The following RYR2 variants were observed in gnomAD, a reference collection of about 807,000 sequenced individuals.
The protein encoded by RYR2 is ryanodine receptor 2, also known as cardiac muscle ryanodine receptor-calcium release channel.
In RYR2, 227 loss-of-function variants were observed where a neutral mutation model predicts 601.1. The observed-to-expected ratio is 0.38, with a 90% CI of 0.34 to 0.42. The LOEUF (loss-of-function observed/expected upper bound fraction) is 0.42. Among genes scored for constraint, RYR2 ranks in the 10% least tolerant of loss-of-function variants. RYR2 has a pLI of 1.00. For missense variants in RYR2, 4,646 were observed against 6,156.5 expected (o/e 0.75, Z 8.21); for synonymous variants, 2,223 against 2,175.1 (o/e 1.02, Z -0.61).
chr1:237,405,882 C>A (rs1340264193), intron 10 of RYR2, among the ~76,000 whole-genome samples: 2 of 95,462 alleles, frequency 2.1e-5, no homozygotes, highest in Non-Finnish European at 5.0e-5. Context: ...GACCACCATT[C>A]AGAAAAGTAG....
chr1:237,281,044 C>T (rs1354137695), intron 2 of RYR2, among the ~76,000 whole-genome samples: 1 of 152,120 alleles, frequency 6.6e-6, no homozygotes, highest in East Asian at 1.9e-4. Flanking sequence ...CTCAGCCTCC[C>T]AAAGTGCTGG....
At chr1:237,321,346 C>A (rs2149526210) in intron 2 of RYR2, among the ~76,000 whole-genome samples, 1 of 152,262 alleles carries the variant, frequency 6.6e-6, no homozygotes, top group East Asian at 1.9e-4. Context: ...TGTTGAATGT[C>A]TCAGTCTGAG....
In RYR2 at chr1:237,270,326, G is replaced by A. The variant is rs188779152; in HGVS notation, c.49-171G>A. On this transcript the variant is annotated intron_variant, in intron 1 of 104. Coordinates refer to ENST00000366574, the MANE Select transcript of RYR2 (RefSeq NM_001035.3). ...TTGCCTTTTTGCAAATAAAAAGTAC[G>A]TGAGGGATTGATTCCGTAGGGGTTT... 1.2e-5 allele frequency: 11 copies of A among 926,120 alleles called. No homozygotes were observed. In the East Asian group the frequency reaches 1.9e-4, roughly 16 times the overall value. 57.4% of individuals were successfully genotyped at this position (926,120 alleles called of 1,614,324 possible). A position where few individuals can be genotyped will look rare whatever the true frequency, so the allele number is the denominator to read the frequency against.
At chr1:237,538,356 C>A (rs1668872256) in intron 25 of RYR2, among the ~76,000 whole-genome samples, 1 of 125,432 alleles carries the variant, frequency 8.0e-6, no homozygotes, top group South Asian at 2.6e-4. Flanking sequence ...GATCGTGCCA[C>A]TGCACTCCAG....
At chr1:237,226,745 C>T (rs1684404864) in intron 1 of RYR2, among the ~76,000 whole-genome samples, 1 of 152,018 alleles carries the variant, frequency 6.6e-6, no homozygotes, top group Admixed American at 6.6e-5. Flanking sequence ...GTAGGGAAGA[C>T]ATATGTGTCA....
chr1:237,570,730 C>G (rs1672599984), intron 29 of RYR2, among the ~76,000 whole-genome samples: 1 of 152,140 alleles, frequency 6.6e-6, no homozygotes, highest in Non-Finnish European at 1.5e-5. Flanking sequence ...GATGCCCCTG[C>G]TGGACAGTGC....
At chr1:237,089,657 A>T (rs1666744235) in intron 1 of RYR2, among the ~76,000 whole-genome samples, 1 of 152,256 alleles carries the variant, frequency 6.6e-6, no homozygotes, top group African/African-American at 2.4e-5. Context: ...GTTAAGAAAT[A>T]TGAAAAGGTA....
chr1:237,122,298 T>C (rs1250860393), intron 1 of RYR2, among the ~76,000 whole-genome samples: 1 of 152,168 alleles, frequency 6.6e-6, no homozygotes, highest in Non-Finnish European at 1.5e-5. Flanking sequence ...AAGGACAGAC[T>C]TAACAGAAGT....
At chr1:237,786,754 A>G (rs1057264515) in intron 91 of RYR2, among the ~76,000 whole-genome samples, 8 of 152,230 alleles carry the variant, frequency 5.3e-5, no homozygotes, top group Non-Finnish European at 1.0e-4. Context: ...GGGAAGAAAG[A>G]AAGGAAGCTT....
intron 88 of RYR2, among the ~76,000 whole-genome samples, chr1:237,781,233 A>G (rs2149343825): frequency 6.6e-6 from 1 of 152,252 alleles, no homozygotes; most frequent in East Asian, 1.9e-4. Flanking sequence ...TATTTTTAGT[A>G]GAGACGGGTT....
At chr1:237,259,683 A>G (rs1338276742) in intron 1 of RYR2, among the ~76,000 whole-genome samples, 2 of 152,202 alleles carry the variant, frequency 1.3e-5, no homozygotes, top group East Asian at 3.9e-4. Flanking sequence ...TGAAAGGTAC[A>G]GTTGACTTCT....
At chr1:237,336,085 T>C (rs2149590903) in intron 3 of RYR2, among the ~76,000 whole-genome samples, 2 of 152,290 alleles carry the variant, frequency 1.3e-5, no homozygotes, top group South Asian at 4.1e-4. Flanking sequence ...AAAACAATTA[T>C]AGTATAATTT....
chr1:237,111,288 G>A (rs991751355), intron 1 of RYR2, among the ~76,000 whole-genome samples: 3 of 152,152 alleles, frequency 2.0e-5, no homozygotes, highest in Non-Finnish European at 4.4e-5. Context: ...TGGAGAAGAG[G>A]AAATGATTAT....
chr1:237,722,725 G>A (rs1209346306), intron 73 of RYR2, among the ~76,000 whole-genome samples: 1 of 152,154 alleles, frequency 6.6e-6, no homozygotes, highest in African/African-American at 2.4e-5. Flanking sequence ...GAGCCACCGT[G>A]CCTGGCCAAT....
intron 4 of RYR2, among the ~76,000 whole-genome samples, chr1:237,358,655 G>A (rs1424576259): frequency 1.3e-5 from 2 of 151,986 alleles, no homozygotes; most frequent in East Asian, 1.9e-4. Flanking sequence ...ACAATCCCAA[G>A]CTGGATCTGT....
At chr1:237,715,002 A>T (rs1207268113) in intron 71 of RYR2, among the ~76,000 whole-genome samples, 2 of 128,520 alleles carry the variant, frequency 1.6e-5, no homozygotes, top group Non-Finnish European at 3.2e-5. Context: ...AAAAAAAAAA[A>T]AAAAAAAAAA....
At chr1:237,528,572 T>A (rs1425181966) in intron 24 of RYR2, among the ~76,000 whole-genome samples, 1 of 152,198 alleles carries the variant, frequency 6.6e-6, no homozygotes, top group Non-Finnish European at 1.5e-5. Flanking sequence ...AATTCATACT[T>A]TTCTAGGTAG....
At chr1:237,365,910 T>A (rs1226438475) in intron 5 of RYR2, among the ~76,000 whole-genome samples, 1 of 152,232 alleles carries the variant, frequency 6.6e-6, no homozygotes, top group Non-Finnish European at 1.5e-5. Context: ...TAAAATAATT[T>A]AATTAGGCCC....
chr1:237,092,859 C>T (rs1667122819), intron 1 of RYR2, among the ~76,000 whole-genome samples: 2 of 152,170 alleles, frequency 1.3e-5, no homozygotes, highest in South Asian at 4.1e-4. Context: ...ATTTCAAAAT[C>T]TAATTCAACT....
Sources: gnomAD v4.1 joint callset for allele counts (sites outside exome capture counted in the v4.1 genomes callset) on GRCh38, gnomAD v4.1.1 for gene constraint, MANE v1.5 for transcripts, NCBI Gene and HGNC (gene_info 2026-07-23, HGNC 2026-07-21) for gene names.